KNG1: variants seen among roughly 807,000 people sequenced by gnomAD.
KNG1 encodes kininogen-1.
Under a neutral mutation model 47.8 loss-of-function variants are expected in KNG1, and 23 were observed. The ratio of observed to expected loss-of-function variants is 0.48; its 90% CI spans 0.35 to 0.68. The LOEUF is 0.68. Ranked by LOEUF, KNG1 falls within the 30% of genes least tolerant of loss-of-function variation. The pLI, the probability that KNG1 is intolerant of heterozygous loss-of-function variation, is 0.01. For synonymous variants in KNG1, 277 were observed against 277.0 expected, an observed-to-expected ratio of 1.00 and a Z score of 0.00; for missense variants, 762 against 790.2, an observed-to-expected ratio of 0.96 and a Z score of 0.43.
In KNG1 at chr3:186,743,056, G is replaced by A. The variant is rs1011819658; in HGVS notation, c.*725G>A. 1.6e-6 allele frequency: 1 copy of A among 645,044 alleles called. No individual in the cohort carries two copies. The highest frequency in any genetic ancestry group is 1.9e-6 in the Non-Finnish European group (1 of 519,010). The allele number at this position is 645,044 out of a possible 1,614,324, so 40.0% of individuals were successfully genotyped here. A position where few individuals can be genotyped will look rare whatever the true frequency, so the allele number is the denominator to read the frequency against. On this transcript the variant is annotated 3_prime_UTR_variant, in exon 10 of 10. Transcript: ENST00000644859. The stretch of plus-strand genomic sequence containing the variant: ...AATACTCCCACTGCCCTTTCTGAGT[G>A]AGAGTGTTTCTCATAAGTCAAAAAT...
Position 186,731,559 on chromosome 3 carries a change from T to C in KNG1, c.687T>C (p.Cys229=), listed in dbSNP as rs372775909. 2 of 1,608,312 alleles carry C rather than the reference T, an allele frequency of 1.2e-6. No homozygotes were observed. The highest frequency in any genetic ancestry group is 1.7e-6 in the Non-Finnish European group (2 of 1,174,790). The change falls in exon 6 of 10, where the codon TGT becomes TGC. Residue 229 remains cysteine, a synonymous_variant. Coordinates refer to ENST00000644859, the MANE Select transcript of KNG1 (RefSeq NM_001102416.3). The part of the protein sequence containing the change: ...KSLWNGDTGE[C]TDNAYIDIQL... Reference sequence around the variant, plus strand: ...TTAAAAACCAGGATACCGGTGAATGTACAGATAATGCATACATCGATATTC... The same window carrying C: ...TTAAAAACCAGGATACCGGTGAATGCACAGATAATGCATACATCGATATTC...
Position 186,741,926 on chromosome 3 carries a change from C to G in KNG1, c.1530C>G (p.Gly510=). 6.2e-7 allele frequency: 1 copy of G among 1,614,084 alleles called. No individual in the cohort carries two copies. The highest frequency in any genetic ancestry group is 8.5e-7 in the Non-Finnish European group (1 of 1,180,006). The change falls in exon 10 of 10, where the codon GGC becomes GGG. Residue 510 remains glycine (G), a synonymous_variant. Transcript: ENST00000644859. ...GCCACGGAAAACATAAAAATAAAGG[C>G]AAAAAGAATGGAAAGCACAATGGTT... ...GHGHGKHKNK[G]KKNGKHNGWK...
rs1579133426 is a variant in KNG1 at position 186,743,045 on chromosome 3, CCTTT to C, written c.*717_*720del. ...TATATCAAATAAATACTCCCACTGC[CCTTT>C]CTGAGTGAGAGTGTTTCTCATAAGT... On this transcript the variant is annotated 3_prime_UTR_variant, in exon 10 of 10. Coordinates refer to ENST00000644859, the MANE Select transcript of KNG1 (RefSeq NM_001102416.3). 5.8e-6 allele frequency: 4 copies of C among 695,554 alleles called. No individual in the cohort carries two copies. The highest frequency in any genetic ancestry group is 7.1e-6 in the Non-Finnish European group (4 of 565,174). 43.1% of individuals were successfully genotyped at this position (695,554 alleles called of 1,614,324 possible).
rs1481479297 is a variant in KNG1 at position 186,727,273 on chromosome 3, A to G, written c.601A>G (p.Ile201Val). The G allele has an allele frequency of 1.2e-6, 2 of 1,613,720 alleles. No homozygotes were observed. Among genetic ancestry groups the G allele is most frequent in the East Asian group, 2.2e-5 (1 of 44,876 alleles). ...ATTGAACTTTCGAATTACCTACTCA[A>G]TTGTGCAAACGAATTGTTCCAAAGA... is the stretch of plus-strand genomic sequence containing the variant. ...AGLNFRITYSIVQTNCSKENF... is the reference protein window; with the variant it reads ...AGLNFRITYSVVQTNCSKENF... Residue 201 changes from isoleucine (I) to valine (V), a missense_variant, in exon 5 of 10, where the codon ATT becomes GTT. Physicochemically the swap from Ile to Val is conservative, Grantham distance 29. Coordinates refer to ENST00000644859, the MANE Select transcript of KNG1 (RefSeq NM_001102416.3).
chr3:186,727,369 A>T, intron 5 of KNG1, 25 bp downstream of exon 5: 1 of 1,388,274 alleles, frequency 7.2e-7, no homozygotes, highest in Non-Finnish European at 1.0e-6. Context: ...ATTTAATGAT[A>T]AAGTTCTTAG....
At chr3:186,732,338 A>AG in intron 6 of KNG1, among the ~76,000 whole-genome samples, 164 bp from the exon 7 acceptor site, 1 of 152,310 alleles carries the variant, frequency 6.6e-6, no homozygotes, top group South Asian at 2.1e-4. Flanking sequence ...AAAAGAAGAG[A>AG]GGCAGGAAGT....
chr3:186,738,944 T>C (rs1330706767), intron 7 of KNG1, 155 bp from the exon 8 acceptor site: 5 of 667,426 alleles, frequency 7.5e-6, no homozygotes, highest in Middle Eastern at 8.1e-4. Flanking sequence ...TAAATATGCA[T>C]GCCAAGCTTT....
chr3:186,723,358 G>A (rs754000463), intron 3 of KNG1, among the ~76,000 whole-genome samples: 10 of 152,072 alleles, frequency 6.6e-5, no homozygotes, highest in Non-Finnish European at 1.2e-4. Context: ...ACATTAGAAC[G>A]TATTTCTTCT....
intron 6 of KNG1, among the ~76,000 whole-genome samples, 185 bp downstream of exon 6, chr3:186,731,814 TC>T (rs1475683300): frequency 2.6e-5 from 4 of 152,188 alleles, no homozygotes; most frequent in Non-Finnish European, 5.9e-5. Flanking sequence ...GTGCTGCAGC[TC>T]AGACTGTTCT....
rs121918131 is a variant in KNG1, at chr3:186,727,258, C to G, written c.586C>G (p.Arg196Gly). ...QRQVVAGLNFRITYSIVQTNC... is the reference protein window; with the variant it reads ...QRQVVAGLNFGITYSIVQTNC... ...TCAGGTGGTGGCTGGATTGAACTTT[C>G]GAATTACCTACTCAATTGTGCAAAC... Residue 196 changes from arginine to glycine, a missense_variant, in exon 5 of 10, where the codon CGA becomes GGA. Coordinates refer to ENST00000644859, the MANE Select transcript of KNG1 (RefSeq NM_001102416.3). The G allele has an allele frequency of 1.2e-6, 2 of 1,613,016 alleles. No homozygotes were observed. The highest frequency in any genetic ancestry group is 1.1e-5 in the South Asian group (1 of 91,054).
chr3:186,725,986 A>T (rs533971046), intron 4 of KNG1, among the ~76,000 whole-genome samples: 6 of 150,420 alleles, frequency 4.0e-5, no homozygotes, highest in Non-Finnish European at 7.4e-5. Flanking sequence ...AGGCTGGAGC[A>T]GTGGCGCGAT....
In KNG1 at chr3:186,722,540, G is replaced by A. The variant is rs745465814; in HGVS notation, c.391+19G>A. ...ACTCCAGGTGGCTGGTTTATCCTCT[G>A]GCACTGCCCTGGTGGGAAATTAACC... is the stretch of plus-strand genomic sequence containing the variant. On this transcript the variant is annotated intron_variant, in intron 3 of 9. Coordinates refer to ENST00000644859, the MANE Select transcript of KNG1 (RefSeq NM_001102416.3). 1 of 1,576,312 alleles carries A rather than the reference G, an allele frequency of 6.3e-7. No homozygotes were observed. The highest frequency in any genetic ancestry group is 1.7e-5 in the Admixed American group (1 of 59,596).
chr3:186,739,532 G>A (rs377094961), intron 9 of KNG1, 118 bp downstream of exon 9: 10 of 747,434 alleles, frequency 1.3e-5, no homozygotes, highest in East Asian at 1.3e-4. Flanking sequence ...TTTTAAATGG[G>A]GAGTAACTCT....
At position 186,741,511 on chromosome 3, in the gene KNG1, T is replaced by C. The variant is rs770165894; in HGVS notation, c.1126-11T>C. On this transcript the variant is annotated splice_polypyrimidine_tract_variant and intron_variant, in intron 9 of 9. Coordinates refer to ENST00000644859, the MANE Select transcript of KNG1 (RefSeq NM_001102416.3). ...TGCAGTAATACATTCATCTTAATAT[T>C]TTCTGTTTAGATCTCACTGATGAAA... 4 of 1,605,712 alleles carry C rather than the reference T, an allele frequency of 2.5e-6. No individual in the cohort carries two copies. The East Asian group carries it at 6.7e-5, about 27-fold the overall frequency.
In KNG1 at chr3:186,744,361, T is replaced by A. The variant is rs1327467788; in HGVS notation, c.*2030T>A. On this transcript the variant is annotated 3_prime_UTR_variant, in exon 10 of 10. Transcript: ENST00000644859. ...AAACAATTTGAAATTATCTTTCTGA[T>A]CCAGGTAAAGAAGCAAATTGAAAAT... The A allele has an allele frequency of 1.3e-5, 2 of 153,692 alleles. No individual in the cohort carries two copies. Among genetic ancestry groups the A allele is most frequent in the African/African-American group, 4.8e-5 (2 of 41,452 alleles). The allele number at this position is 153,692 out of a possible 1,614,324, so 9.5% of individuals were successfully genotyped here. A position where few individuals can be genotyped will look rare whatever the true frequency, so the allele number is the denominator to read the frequency against.
intron 7 of KNG1, among the ~76,000 whole-genome samples, chr3:186,737,099 C>T (rs1579128060): frequency 6.6e-6 from 1 of 152,170 alleles, no homozygotes; most frequent in East Asian, 1.9e-4. Flanking sequence ...TCTCTTCCTA[C>T]CAGCAGTGAC....
chr3:186,720,254 C>G, intron 2 of KNG1, 39 bp downstream of exon 2: 1 of 1,343,826 alleles, frequency 7.4e-7, no homozygotes, highest in Non-Finnish European at 1.1e-6. Context: ...CTGTTTTCTC[C>G]GTTGACCCTG....
At chr3:186,728,520 AC>A (rs1213102795) in intron 5 of KNG1, 4 of 152,252 alleles carry the variant, frequency 2.6e-5, no homozygotes, top group African/African-American at 9.6e-5. Context: ...TAAGTAAAAA[AC>A]AAAAAAAGTG....
chr3:186,727,167 A>G lies in KNG1; in HGVS notation c.565-70A>G, dbSNP rs1720397119. On this transcript the variant is annotated intron_variant, in intron 4 of 9. Coordinates refer to ENST00000644859, the MANE Select transcript of KNG1 (RefSeq NM_001102416.3). ...TGCCACACTGTTTTCTAAACTCCTC[A>G]TAACATTCATATCCCACAGCGAATA... The G allele has an allele frequency of 1.2e-5, 13 of 1,064,406 alleles. No homozygotes were observed. In the South Asian group the frequency reaches 1.6e-4, roughly 13 times the overall value. 65.9% of individuals were successfully genotyped at this position (1,064,406 alleles called of 1,614,324 possible). A position where few individuals can be genotyped will look rare whatever the true frequency, so the allele number is the denominator to read the frequency against.
Sources: gnomAD v4.1 joint callset for allele counts (sites outside exome capture counted in the v4.1 genomes callset) on GRCh38, gnomAD v4.1.1 for gene constraint, MANE v1.5 for transcripts, NCBI Gene and HGNC (gene_info 2026-07-23, HGNC 2026-07-21) for gene names.